The following ZFPM2 variants were observed in gnomAD, a reference collection of about 807,000 sequenced individuals.
The protein encoded by ZFPM2 is zinc finger protein, FOG family member 2, also known as zinc finger protein ZFPM2.
A neutral mutation model predicts 98.6 loss-of-function variants in ZFPM2; 20 were observed. The ratio of observed to expected loss-of-function variants is 0.20; its 90% CI spans 0.14 to 0.29. ZFPM2 has a LOEUF of 0.29. Ranked by LOEUF, ZFPM2 falls within the 10% of genes least tolerant of loss-of-function variation. The probability of loss-of-function intolerance (pLI) is 1.00; values close to 1 mark genes in which losing one functional copy is unlikely to be tolerated. For missense variants in ZFPM2, 1,310 were observed against 1,388.6 expected (o/e 0.94, Z 0.90); for synonymous variants, 518 against 502.7 (o/e 1.03, Z -0.41).
Position 105,345,190 on chromosome 8 carries a change from T to C in ZFPM2, c.40+26209T>C, listed in dbSNP as rs142366544. ...TGGTATCAAATCCGGTGAAGCCAGCTGACAAATTTTGAGGATCTTAACAGA... is the reference window on the plus strand; with the variant it reads ...TGGTATCAAATCCGGTGAAGCCAGCCGACAAATTTTGAGGATCTTAACAGA... On this transcript the variant is annotated intron_variant, in intron 1 of 7. Coordinates refer to ENST00000407775, the MANE Select transcript of ZFPM2 (RefSeq NM_012082.4). 4.0e-3 allele frequency among the ~76,000 whole-genome samples: 609 copies of C among 152,256 alleles called. 5 individuals are homozygous for C. Among genetic ancestry groups the C allele is most frequent in the African/African-American group, 0.014 (584 of 41,556 alleles).
chr8:105,595,163 C>T (rs1237683910), intron 4 of ZFPM2, among the ~76,000 whole-genome samples: 2 of 152,092 alleles, frequency 1.3e-5, no homozygotes, highest in Non-Finnish European at 1.5e-5. Context: ...ACAGTCTTAG[C>T]AGGCACTTGC....
intron 3 of ZFPM2, among the ~76,000 whole-genome samples, chr8:105,513,001 A>G (rs908137887): frequency 6.6e-6 from 1 of 151,842 alleles, no homozygotes; most frequent in Non-Finnish European, 1.5e-5. Flanking sequence ...GTATTATTCT[A>G]GTTTGTTTTA....
chr8:105,647,495 T>A (rs898480173), intron 5 of ZFPM2, among the ~76,000 whole-genome samples: 3 of 151,890 alleles, frequency 2.0e-5, no homozygotes, highest in African/African-American at 4.8e-5. Flanking sequence ...ATCATTTACA[T>A]TAGGTATATC....
intron 3 of ZFPM2, among the ~76,000 whole-genome samples, chr8:105,495,977 G>T (rs1401677668): frequency 6.6e-6 from 1 of 152,060 alleles, no homozygotes; most frequent in Non-Finnish European, 1.5e-5. Context: ...TTCTTCTAAT[G>T]TTATGATTTT....
At chr8:105,621,481 A>G (rs1439091529) in intron 4 of ZFPM2, among the ~76,000 whole-genome samples, 4 of 152,148 alleles carry the variant, frequency 2.6e-5, no homozygotes, top group African/African-American at 7.2e-5. Flanking sequence ...AACAGGGTCA[A>G]TTTGACTTCC....
chr8:105,677,168 G>A (rs1810490694), intron 5 of ZFPM2, among the ~76,000 whole-genome samples: 1 of 151,244 alleles, frequency 6.6e-6, no homozygotes, highest in Non-Finnish European at 1.5e-5. Context: ...TAATATGTTA[G>A]AATATTTCTC....
intron 1 of ZFPM2, among the ~76,000 whole-genome samples, chr8:105,395,164 G>T (rs2170292): frequency 0.34 from 51,937 of 151,954 alleles, 10,541 homozygotes; most frequent in African/African-American, 0.57. Context: ...AAATCCTTCC[G>T]CTACAGAAGC....
intron 1 of ZFPM2, among the ~76,000 whole-genome samples, chr8:105,345,823 T>C (rs1004962740): frequency 6.6e-6 from 1 of 152,218 alleles, no homozygotes; most frequent in African/African-American, 2.4e-5. Flanking sequence ...AACTCTCAAA[T>C]AGGATTTTGT....
chr8:105,342,336 T>C (rs1249177857), intron 1 of ZFPM2, among the ~76,000 whole-genome samples: 2 of 152,064 alleles, frequency 1.3e-5, no homozygotes, highest in Admixed American at 6.6e-5. Flanking sequence ...GGTATTGTCA[T>C]ATTCTCATAG....
At chr8:105,497,253 G>T (rs2130455564) in intron 3 of ZFPM2, among the ~76,000 whole-genome samples, 1 of 152,082 alleles carries the variant, frequency 6.6e-6, no homozygotes, top group South Asian at 2.1e-4. Flanking sequence ...CCAAAGTGCT[G>T]GGATTACAGG....
intron 2 of ZFPM2, among the ~76,000 whole-genome samples, chr8:105,431,265 A>G (rs1812014900): frequency 6.6e-6 from 1 of 152,134 alleles, no homozygotes; most frequent in African/African-American, 2.4e-5. Flanking sequence ...GTTTGTTGTC[A>G]AGTGGCCATA....
intron 5 of ZFPM2, among the ~76,000 whole-genome samples, chr8:105,648,543 T>G (rs1223947360): frequency 1.3e-5 from 2 of 152,212 alleles, no homozygotes; most frequent in Admixed American, 1.3e-4. Flanking sequence ...CCATCTTGAA[T>G]TAATTTTTAT....
At chr8:105,750,196 G>A (rs1452101500) in intron 5 of ZFPM2, among the ~76,000 whole-genome samples, 1 of 151,888 alleles carries the variant, frequency 6.6e-6, no homozygotes, top group African/African-American at 2.4e-5. Flanking sequence ...CAAATCTCAG[G>A]GAGTTTAAGT....
At chr8:105,350,611 A>G (rs1220451351) in intron 1 of ZFPM2, among the ~76,000 whole-genome samples, 1 of 152,148 alleles carries the variant, frequency 6.6e-6, no homozygotes, top group Non-Finnish European at 1.5e-5. Context: ...CAAAGCAGAA[A>G]ACTTGGTAGG....
At chr8:105,573,824 C>A (rs532663700) in intron 4 of ZFPM2, among the ~76,000 whole-genome samples, 1 of 151,948 alleles carries the variant, frequency 6.6e-6, no homozygotes, top group African/African-American at 2.4e-5. Context: ...GGAAAGAGCC[C>A]GTGATGGGGT....
chr8:105,464,765 C>T (rs1230695359), intron 3 of ZFPM2, among the ~76,000 whole-genome samples: 2 of 151,870 alleles, frequency 1.3e-5, no homozygotes, highest in Admixed American at 6.6e-5. Context: ...GGAAAAAAAC[C>T]TGCCTCAAAG....
At chr8:105,640,732 C>T (rs1466140465) in intron 5 of ZFPM2, among the ~76,000 whole-genome samples, 1 of 151,976 alleles carries the variant, frequency 6.6e-6, no homozygotes, top group Non-Finnish European at 1.5e-5. Flanking sequence ...TTGCATGTTA[C>T]TAGAATTTTC....
At chr8:105,652,036 A>G (rs1817188739) in intron 5 of ZFPM2, among the ~76,000 whole-genome samples, 1 of 152,036 alleles carries the variant, frequency 6.6e-6, no homozygotes, top group African/African-American at 2.4e-5. Context: ...AAGAATTTGA[A>G]ACAAAACCTA....
At chr8:105,778,028 C>T (rs1813145669) in intron 5 of ZFPM2, among the ~76,000 whole-genome samples, 1 of 152,152 alleles carries the variant, frequency 6.6e-6, no homozygotes, top group Admixed American at 6.5e-5. Context: ...AGGATCCACA[C>T]AATACCTCAT....
Sources: allele counts gnomAD v4.1 joint callset (sites outside exome capture counted in the v4.1 genomes callset), GRCh38; gene constraint gnomAD v4.1.1; transcripts MANE v1.5; gene names NCBI Gene and HGNC (gene_info 2026-07-23, HGNC 2026-07-21).